Variants in MYH11 observed in about 807,000 individuals in gnomAD.
MYH11 encodes the protein myosin heavy chain 11, also known as myosin-11.
Under a neutral mutation model 246.6 loss-of-function variants are expected in MYH11, and 80 were observed. The observed-to-expected ratio is 0.32, with a 90% confidence interval of 0.27 to 0.39. MYH11 has a LOEUF of 0.39. MYH11 is among the 10% of genes least tolerant of loss of function. The pLI is 1.00. For missense variants in MYH11, 2,158 were observed against 2,546.8 expected, an observed-to-expected ratio of 0.85 and a Z score of 3.29; for synonymous variants, 1,071 against 1,015.5, an observed-to-expected ratio of 1.05 and a Z score of -1.04.
chr16:15,750,101 C>A lies in MYH11; in HGVS notation c.2058+37G>T. On this transcript the variant is annotated intron_variant, in intron 16 of 40. Transcript: ENST00000300036. This position sits in a 1 kb window ranked among gnomAD's most constrained non-coding sequence, Gnocchi z 4.3. The stretch of plus-strand genomic sequence containing the variant: ...CTGTGACCGCTTGGGACAGCCCTGG[C>A]TTCTGGGAGCCCCAGGGTCTGGGCG... 6.2e-7 allele frequency: 1 copy of A among 1,613,072 alleles called. No homozygotes were observed.
chr16:15,838,320 G>A (rs2043961734), intron 1 of MYH11, 51 bp from the exon 2 acceptor site: 1 of 1,481,210 alleles, frequency 6.8e-7, no homozygotes, highest in Non-Finnish European at 9.4e-7. Flanking sequence ...AAGCCCGGAA[G>A]ACAGACCAAC....
chr16:15,828,983 A>T (rs749602928), intron 2 of MYH11, among the ~76,000 whole-genome samples: 6 of 152,048 alleles, frequency 3.9e-5, no homozygotes, highest in Non-Finnish European at 8.8e-5. Context: ...CAGGAGTTTG[A>T]GAACAGCCTG....
At chr16:15,852,099 T>C (rs559267777) in intron 1 of MYH11, among the ~76,000 whole-genome samples, 1 of 152,216 alleles carries the variant, frequency 6.6e-6, no homozygotes, top group East Asian at 1.9e-4. Context: ...TAAGCAGCAT[T>C]AGATTTTCAC....
intron 10 of MYH11, among the ~76,000 whole-genome samples, chr16:15,762,850 G>T (rs182436691): frequency 2.2e-4 from 33 of 152,268 alleles, no homozygotes; most frequent in Admixed American, 1.0e-3. Flanking sequence ...CCCAGTAAGC[G>T]GTTGCAACAG....
chr16:15,739,249 G>A (rs1027411010), intron 23 of MYH11, among the ~76,000 whole-genome samples: 7 of 151,792 alleles, frequency 4.6e-5, no homozygotes, highest in African/African-American at 1.5e-4. Context: ...ACAGGCGCCC[G>A]CCAACACACC....
intron 37 of MYH11, chr16:15,718,028 A>G: frequency 3.9e-6 from 2 of 518,042 alleles, no homozygotes; most frequent in Non-Finnish European, 7.0e-6. Flanking sequence ...AACGCAATGA[A>G]AGAGCATCCC....
chr16:15,763,741 T>TGGCGGGCCCCCCCCCCCCCCC, intron 10 of MYH11, 55 bp downstream of exon 10: 1 of 646,862 alleles, frequency 1.5e-6, no homozygotes, highest in Admixed American at 2.1e-5. Context: ...AAATGTCACC[T>TGGCGGGCCCCCCCCCCCCCCC]CCCCCACCCC....
chr16:15,852,335 T>TTC (rs2044350930), intron 1 of MYH11, among the ~76,000 whole-genome samples: 1 of 3,664 alleles, frequency 2.7e-4, no homozygotes, highest in Non-Finnish European at 1.2e-3. Context: ...TTGCAATGCC[T>TTC]TTTTTTTTTT....
At chr16:15,848,604 G>A (rs865949950) in intron 1 of MYH11, among the ~76,000 whole-genome samples, 1 of 152,070 alleles carries the variant, frequency 6.6e-6, no homozygotes, top group Non-Finnish European at 1.5e-5. Context: ...GTGCATTGTG[G>A]GATGTTCCGC....
chr16:15,787,878 G>A (rs1479652753), intron 4 of MYH11, among the ~76,000 whole-genome samples: 1 of 151,826 alleles, frequency 6.6e-6, no homozygotes, highest in African/African-American at 2.4e-5. Context: ...TTGGTCACTG[G>A]GCAGATGCAA....
chr16:15,790,037 GC>G (rs2088159728), intron 4 of MYH11, among the ~76,000 whole-genome samples: 1 of 152,174 alleles, frequency 6.6e-6, no homozygotes, highest in South Asian at 2.1e-4. Context: ...GGGTGTGGTG[GC>G]TCACGCCTGT....
In MYH11 at chr16:15,816,502, T is replaced by C. The variant is rs373124318; in HGVS notation, c.502+6753A>G. On this transcript the variant is annotated intron_variant, in intron 3 of 40. Transcript: ENST00000300036. ...TCACAAAGCAGTGCAAAGCTCAGCTTTGAATAACATCTACATAATCATAAT... is the reference window on the plus strand; with the variant it reads ...TCACAAAGCAGTGCAAAGCTCAGCTCTGAATAACATCTACATAATCATAAT... 3.9e-4 allele frequency among the ~76,000 whole-genome samples: 59 copies of C among 152,238 alleles called. No individual in the cohort carries two copies. In the South Asian group the frequency reaches 0.012, roughly 30 times the overall value.
intron 2 of MYH11, among the ~76,000 whole-genome samples, chr16:15,837,243 T>C (rs1258862270): frequency 6.6e-6 from 1 of 152,102 alleles, no homozygotes; most frequent in Admixed American, 6.6e-5. Flanking sequence ...CAAACCAGCC[T>C]TTCCAAAGTG....
intron 9 of MYH11, among the ~76,000 whole-genome samples, chr16:15,770,427 G>A (rs16967478): frequency 0.16 from 23,861 of 152,084 alleles, 2,347 homozygotes; most frequent in South Asian, 0.33. Context: ...CACATCTAAC[G>A]CAGAAGGAAA....
rs1365590723 is a variant in MYH11 at position 15,750,252 on chromosome 16, G to A, written c.1944C>T (p.Gly648=). The A allele has an allele frequency of 1.2e-6, 2 of 1,614,184 alleles. No individual in the cohort carries two copies. The highest frequency in any genetic ancestry group is 1.7e-5 in the Admixed American group (1 of 60,026). The change falls in exon 16 of 41, where the codon GGC becomes GGT. Residue 648 remains glycine, a synonymous_variant. Transcript: ENST00000300036. The surrounding 1 kb of genome is among the most constrained non-coding windows in gnomAD (Gnocchi z 4.3). ...ACAGCTGCCCCACTGTGCGGAACAT[G>A]CCCTTCTTGGTCTTGGAGGCGCTGG... ...SLPSASKTKK[G]MFRTVGQLYK...
At chr16:15,777,321 C>T (rs1005295479) in intron 7 of MYH11, among the ~76,000 whole-genome samples, 7 of 152,090 alleles carry the variant, frequency 4.6e-5, no homozygotes, top group Non-Finnish European at 8.8e-5. Context: ...AGGGTTTCAC[C>T]ATATTGGCCA....
intron 28 of MYH11, chr16:15,725,756 C>A (rs147520971): frequency 2.5e-4 from 100 of 398,746 alleles, no homozygotes; most frequent in African/African-American, 1.9e-3. Flanking sequence ...TTGGCCACGT[C>A]CCCATGAGTG....
intron 26 of MYH11, chr16:15,733,015 ATTTAATGAGCAGTTACT>A: frequency 4.3e-6 from 2 of 470,288 alleles, no homozygotes; most frequent in South Asian, 4.6e-5. Context: ...GTTGGCTCTT[ATTTAATGAGCAGTTACT>A]ATATGCCAGG....
At chr16:15,844,528 A>G (rs1171606410) in intron 1 of MYH11, among the ~76,000 whole-genome samples, 1 of 152,174 alleles carries the variant, frequency 6.6e-6, no homozygotes, top group East Asian at 1.9e-4. Flanking sequence ...AATAAAATAC[A>G]AACAAAAAGG....
Sources: allele counts gnomAD v4.1 joint callset (sites outside exome capture counted in the v4.1 genomes callset), GRCh38; gene constraint gnomAD v4.1.1; non-coding constraint Gnocchi (gnomAD v3.1); transcripts MANE v1.5; gene names NCBI Gene and HGNC (gene_info 2026-07-23, HGNC 2026-07-21).